The following FRMPD3 variants were observed in gnomAD, a reference collection of about 807,000 sequenced individuals.
FRMPD3 encodes the protein FERM and PDZ domain containing 3.
A neutral mutation model predicts 97.9 loss-of-function variants in FRMPD3; 42 were observed. The ratio of observed to expected loss-of-function variants is 0.43; its 90% CI spans 0.34 to 0.55. FRMPD3 has a LOEUF of 0.55. FRMPD3 is among the 20% of genes least tolerant of loss of function. The pLI is 0.03. For missense variants in FRMPD3, 1,303 were observed against 1,457.7 expected (o/e 0.89, Z 1.73); for synonymous variants, 577 against 581.1 (o/e 0.99, Z 0.10).
chrX:107,467,563 G>A (rs753032446), intron 1 of FRMPD3, among the ~76,000 whole-genome samples: 6 of 111,701 alleles, frequency 5.4e-5, no homozygotes, highest in Non-Finnish European at 1.1e-4. Flanking sequence ...CCCCTAGTTT[G>A]AATGATTCTA....
At position 107,518,970 on chromosome X, in the gene FRMPD3, A is replaced by G. The variant is rs752722721; in HGVS notation, c.-7-7612A>G. On this transcript the variant is annotated intron_variant, in intron 1 of 14. Coordinates refer to ENST00000683843, the MANE Select transcript of FRMPD3 (RefSeq NM_001388459.1). The stretch of plus-strand genomic sequence containing the variant: ...ATGCTAAGCAAAATATGCTAGTCAC[A>G]AAAAGACAGATATCGTATGATTCCT... 6.9e-4 allele frequency among the ~76,000 whole-genome samples: 78 copies of G among 112,670 alleles called. 1 individual carries two copies. The highest frequency in any genetic ancestry group is 2.4e-3 in the African/African-American group (73 of 31,043).
intron 13 of FRMPD3, among the ~76,000 whole-genome samples, chrX:107,591,925 T>C (rs964486237): frequency 8.9e-6 from 1 of 111,962 alleles, no homozygotes; most frequent in Non-Finnish European, 1.9e-5. Flanking sequence ...TATACTCTTT[T>C]AGTTATTTTA....
chrX:107,600,457 C>T lies in FRMPD3; in HGVS notation c.2418C>T (p.Asp806=). The T allele has an allele frequency of 8.3e-7, 1 of 1,210,572 alleles. No individual in the cohort carries two copies. The highest frequency in any genetic ancestry group is 1.1e-6 in the Non-Finnish European group (1 of 895,160). The change falls in exon 15 of 15, where the codon GAC becomes GAT. Residue 806 remains aspartate (D), a synonymous_variant. Coordinates refer to ENST00000683843, the MANE Select transcript of FRMPD3 (RefSeq NM_001388459.1). Reference sequence around the variant, plus strand: ...TCCTGGCCCAGCACCTCAACAAGGACAGCCTCCTTGCCCGCAAGGACCTGC... The same window carrying T: ...TCCTGGCCCAGCACCTCAACAAGGATAGCCTCCTTGCCCGCAAGGACCTGC... ...TYFLAQHLNK[D]SLLARKDLPF... is the part of the protein sequence containing the mutation.
intron 1 of FRMPD3, among the ~76,000 whole-genome samples, chrX:107,478,897 T>C (rs1353707005): frequency 1.8e-5 from 2 of 111,256 alleles, no homozygotes; most frequent in Non-Finnish European, 3.8e-5. Flanking sequence ...TGGTTTGGGG[T>C]GGGGTGGGGG....
chrX:107,529,616 G>A (rs749609408), intron 2 of FRMPD3, among the ~76,000 whole-genome samples: 6 of 110,695 alleles, frequency 5.4e-5, no homozygotes, highest in African/African-American at 2.0e-4. Context: ...AAAAGAAATG[G>A]GAGGGAGAAA....
At chrX:107,539,957 T>C (rs1465417284) in intron 4 of FRMPD3, among the ~76,000 whole-genome samples, 1 of 111,217 alleles carries the variant, frequency 9.0e-6, no homozygotes, top group Non-Finnish European at 1.9e-5. Context: ...GGCATTTAGC[T>C]AGTCAAAGGG....
intron 2 of FRMPD3, 57 bp from the exon 3 acceptor site, chrX:107,530,352 C>T: frequency 1.0e-6 from 1 of 996,399 alleles, no homozygotes; most frequent in Non-Finnish European, 1.4e-6. Flanking sequence ...CTTGCCCAGA[C>T]CTGGACTTTC....
intron 1 of FRMPD3, among the ~76,000 whole-genome samples, chrX:107,466,336 C>T (rs1174625010): frequency 8.9e-6 from 1 of 112,564 alleles, no homozygotes; most frequent in Non-Finnish European, 1.9e-5. Flanking sequence ...GCTCCCCCAA[C>T]CTCACAGTTT....
At chrX:107,480,079 A>T (rs1051702703) in intron 1 of FRMPD3, among the ~76,000 whole-genome samples, 21 of 110,513 alleles carry the variant, frequency 1.9e-4, no homozygotes, top group Admixed American at 1.7e-3. Flanking sequence ...GGTCTTAAGG[A>T]TACTTTAGCT....
chrX:107,571,213 A>C (rs16985242), intron 12 of FRMPD3, among the ~76,000 whole-genome samples: 4,472 of 111,643 alleles, frequency 0.04, 214 homozygotes, highest in African/African-American at 0.14. Context: ...TTATTTCTCT[A>C]GTGATCTCTG....
At chrX:107,556,868 T>C (rs1398347937) in intron 8 of FRMPD3, among the ~76,000 whole-genome samples, 4 of 112,415 alleles carry the variant, frequency 3.6e-5, no homozygotes, top group Non-Finnish European at 7.5e-5. Flanking sequence ...TTAATTCACC[T>C]GTTGATGAAC....
chrX:107,576,267 G>A (rs768346331), intron 12 of FRMPD3, 48 bp from the exon 13 acceptor site: 3 of 1,181,496 alleles, frequency 2.5e-6, no homozygotes, highest in Non-Finnish European at 3.4e-6. Flanking sequence ...AAATGCATCT[G>A]CCTCCCTCCT....
chrX:107,551,674 A>G (rs1226889870), intron 6 of FRMPD3, among the ~76,000 whole-genome samples: 1 of 112,400 alleles, frequency 8.9e-6, no homozygotes, highest in East Asian at 2.8e-4. Context: ...CCAGAGAGGT[A>G]CCTGGGTGAA....
At chrX:107,578,815 G>A (rs1466734170) in intron 13 of FRMPD3, among the ~76,000 whole-genome samples, 1 of 111,212 alleles carries the variant, frequency 9.0e-6, no homozygotes, top group Non-Finnish European at 1.9e-5. Flanking sequence ...GGTGGGTGGA[G>A]TGGGGCAGAG....
At chrX:107,559,839 C>T (rs1276483522) in intron 8 of FRMPD3, among the ~76,000 whole-genome samples, 1 of 110,983 alleles carries the variant, frequency 9.0e-6, no homozygotes, top group Non-Finnish European at 1.9e-5. Context: ...TGGAGAGTCC[C>T]TCCCAGTATC....
chrX:107,494,662 A>G (rs1276593849), intron 1 of FRMPD3, among the ~76,000 whole-genome samples: 1 of 112,066 alleles, frequency 8.9e-6, no homozygotes, highest in East Asian at 2.8e-4. Flanking sequence ...TTAGCACTTT[A>G]CATACATTAC....
intron 4 of FRMPD3, among the ~76,000 whole-genome samples, chrX:107,533,988 TG>T (rs1422633379): frequency 1.8e-5 from 2 of 112,202 alleles, no homozygotes; most frequent in Non-Finnish European, 3.8e-5. Context: ...ATAAATTTGC[TG>T]GGGGGTACCC....
At chrX:107,570,074 A>AAAGG (rs1265462031) in intron 12 of FRMPD3, among the ~76,000 whole-genome samples, 1 of 102,649 alleles carries the variant, frequency 9.7e-6, no homozygotes, top group Non-Finnish European at 2.0e-5. Flanking sequence ...AAAAGAAAAG[A>AAAGG]AAGGAAGGAA....
intron 3 of FRMPD3, 27 bp downstream of exon 3, chrX:107,530,538 G>T (rs767039023): frequency 9.6e-7 from 1 of 1,040,968 alleles, no homozygotes; most frequent in South Asian, 2.0e-5. Context: ...GGCAGGAACT[G>T]ATCAGTATCC....
Sources: gnomAD v4.1 joint callset for allele counts (sites outside exome capture counted in the v4.1 genomes callset) on GRCh38, gnomAD v4.1.1 for gene constraint, MANE v1.5 for transcripts, NCBI Gene and HGNC (gene_info 2026-07-23, HGNC 2026-07-21) for gene names.